Variants in PLCB4 observed in about 807,000 individuals in gnomAD.
PLCB4 encodes the protein phospholipase C beta 4.
In PLCB4, 77 loss-of-function variants were observed where a neutral mutation model predicts 178.8. The observed-to-expected ratio is 0.43, with a 90% CI of 0.36 to 0.52. The LOEUF (loss-of-function observed/expected upper bound fraction) is 0.52. Among genes scored for constraint, PLCB4 ranks in the 20% least tolerant of loss-of-function variants. PLCB4 has a pLI of 0.00. For missense variants in PLCB4, 1,024 were observed against 1,453.4 expected, an observed-to-expected ratio of 0.70 and a Z score of 4.80; for synonymous variants, 496 against 490.8, an observed-to-expected ratio of 1.01 and a Z score of -0.14.
intron 20 of PLCB4, among the ~76,000 whole-genome samples, chr20:9,402,989 T>C (rs999441175): frequency 6.6e-6 from 1 of 152,224 alleles, no homozygotes; most frequent in Non-Finnish European, 1.5e-5. Context: ...ACTTAACCTC[T>C]GTGTACCTTA....
intron 32 of PLCB4, among the ~76,000 whole-genome samples, chr20:9,448,929 G>A (rs1201309326): frequency 3.9e-5 from 6 of 152,098 alleles, no homozygotes. Flanking sequence ...GCAATTTGCT[G>A]TTAGGATATT....
intron 2 of PLCB4, among the ~76,000 whole-genome samples, chr20:9,209,332 AT>A (rs1386277044): frequency 6.6e-6 from 1 of 151,968 alleles, no homozygotes; most frequent in Non-Finnish European, 1.5e-5. Context: ...TAGATGACAA[AT>A]GCATGCTAAG....
intron 21 of PLCB4, among the ~76,000 whole-genome samples, chr20:9,407,324 T>A (rs1021461384): frequency 6.6e-6 from 1 of 152,148 alleles, no homozygotes; most frequent in African/African-American, 2.4e-5. Flanking sequence ...AAAAATATGA[T>A]GCTATATCTA....
At chr20:9,077,586 G>A (rs2089932456) in intron 1 of PLCB4, among the ~76,000 whole-genome samples, 1 of 152,192 alleles carries the variant, frequency 6.6e-6, no homozygotes, top group Non-Finnish European at 1.5e-5. Context: ...AAATTGATCA[G>A]TTAAGGGGCT....
chr20:9,166,897 A>T (rs1477844840), intron 2 of PLCB4, among the ~76,000 whole-genome samples: 1 of 152,132 alleles, frequency 6.6e-6, no homozygotes, highest in African/African-American at 2.4e-5. Context: ...CTTCCCATGA[A>T]AATTGTTATA....
chr20:9,285,679 C>A (rs1341638458), intron 3 of PLCB4, among the ~76,000 whole-genome samples: 3 of 151,922 alleles, frequency 2.0e-5, no homozygotes, highest in Non-Finnish European at 2.9e-5. Context: ...ACATGATCAA[C>A]AATTGCATGC....
At chr20:9,409,326 T>A in intron 24 of PLCB4, 145 bp downstream of exon 24, 2 of 514,262 alleles carry the variant, frequency 3.9e-6, no homozygotes, top group East Asian at 3.5e-5. Context: ...TATATAATGG[T>A]GAGAAATAAA....
intron 3 of PLCB4, among the ~76,000 whole-genome samples, chr20:9,286,817 T>C (rs1009235099): frequency 6.6e-6 from 1 of 151,964 alleles, no homozygotes; most frequent in Non-Finnish European, 1.5e-5. Flanking sequence ...GCGCCATCAG[T>C]ATCTTTGTAT....
In PLCB4 at chr20:9,424,546, T is replaced by C. The variant is rs80084184; in HGVS notation, c.2524+594T>C. Among the ~76,000 whole-genome samples the C allele has an allele frequency of 7.7e-3, 1,175 of 152,336 alleles. 18 individuals carry two copies. Among genetic ancestry groups the C allele is most frequent in the African/African-American group, 0.025 (1,041 of 41,568 alleles). ...TAAAAGAAAGCAAAGATCCTCTATA[T>C]TGTCAGCCTGTTGAACCATAAGGAA... On this transcript the variant is annotated intron_variant, in intron 28 of 39. Coordinates refer to ENST00000378473, the MANE Select transcript of PLCB4 (RefSeq NM_001377142.1).
Position 9,115,806 on chromosome 20 carries a change from G to T in PLCB4, c.-79+19464G>T, listed in dbSNP as rs1042934647. ...GAATACTTGCAGGCCACAGGTAGTT[G>T]TTTAGCATTAGCAAAGTTTATCTTA... On this transcript the variant is annotated intron_variant, in intron 2 of 39. Transcript: ENST00000378473. Among the ~76,000 whole-genome samples, 3 of 151,868 alleles carry T rather than the reference G, an allele frequency of 2.0e-5. No individual in the cohort carries two copies. The South Asian group carries it at 6.2e-4, about 32-fold the overall frequency.
rs779018136 is a variant in PLCB4, at chr20:9,459,695, G to T, written c.3133G>T (p.Ala1045Ser). The T allele has an allele frequency of 1.9e-5, 31 of 1,613,028 alleles. No homozygotes were observed. Among genetic ancestry groups the T allele is most frequent in the Non-Finnish European group, 8.5e-7 (1 of 1,179,248 alleles). ...GTCAGAAATGATCAATACCCACAGT[G>T]CTGAGGAGCAAGAAATCCGAGACCT... is the stretch of plus-strand genomic sequence containing the variant. ...EWSEMINTHS[A>S]EEQEIRDLHL... is the part of the protein sequence containing the mutation. Residue 1045 changes from alanine to serine, a missense_variant, in exon 35 of 40, where the codon GCT (alanine) becomes TCT (serine). Physicochemically the swap from Ala to Ser is moderately conservative, Grantham distance 99. Around this residue, in one of 7 missense-constraint regions of PLCB4, gnomAD observed 264 missense variants for 283.2 expected, o/e 0.93. Transcript: ENST00000378473.
intron 2 of PLCB4, among the ~76,000 whole-genome samples, chr20:9,183,861 A>G (rs2093287296): frequency 6.6e-6 from 1 of 152,188 alleles, no homozygotes; most frequent in South Asian, 2.1e-4. Context: ...TAGTTACTTC[A>G]TATAGCTCAT....
chr20:9,457,838 T>C (rs2043149830), intron 34 of PLCB4, among the ~76,000 whole-genome samples: 1 of 152,130 alleles, frequency 6.6e-6, no homozygotes, highest in Non-Finnish European at 1.5e-5. Context: ...ACATTAAACA[T>C]AGGACAGAAA....
chr20:9,247,775 C>G (rs970174072), intron 3 of PLCB4, among the ~76,000 whole-genome samples: 4 of 152,128 alleles, frequency 2.6e-5, no homozygotes, highest in Admixed American at 1.3e-4. Context: ...GGCAGGTGCT[C>G]CAGGCACCTG....
intron 3 of PLCB4, among the ~76,000 whole-genome samples, chr20:9,232,182 G>A (rs1024155421): frequency 2.0e-5 from 3 of 152,120 alleles, no homozygotes; most frequent in African/African-American, 7.2e-5. Flanking sequence ...GATGACAAAA[G>A]AGTCCAAAGA....
At chr20:9,112,582 C>T (rs2091620393) in intron 2 of PLCB4, among the ~76,000 whole-genome samples, 1 of 152,030 alleles carries the variant, frequency 6.6e-6, no homozygotes, top group African/African-American at 2.4e-5. Context: ...TTGATTGTCT[C>T]ACACTGATTG....
chr20:9,449,278 C>A (rs1252063510), intron 32 of PLCB4, among the ~76,000 whole-genome samples: 1 of 152,096 alleles, frequency 6.6e-6, no homozygotes, highest in Non-Finnish European at 1.5e-5. Context: ...GAGGTCAATT[C>A]CTTAGAGCCA....
intron 3 of PLCB4, among the ~76,000 whole-genome samples, chr20:9,244,428 A>C (rs1213497062): frequency 6.6e-6 from 1 of 152,200 alleles, no homozygotes; most frequent in Non-Finnish European, 1.5e-5. Flanking sequence ...TTTTTATCAA[A>C]ATTAAGGATC....
rs10629831 is a variant in PLCB4, at chr20:9,081,768, C to CAAAA, written c.-135+12574_-135+12577dup. ...TTAGGAAAACAATCTGATGATTAAG[C>CAAAA]AAAAAAAAAAAAAAAGCCAAAGTTT... On this transcript the variant is annotated intron_variant, in intron 1 of 39. Transcript: ENST00000378473. Among the ~76,000 whole-genome samples the CAAAA allele has an allele frequency of 2.9e-4, 26 of 90,470 alleles. 7 individuals are homozygous for CAAAA. Among genetic ancestry groups the CAAAA allele is most frequent in the East Asian group, 1.1e-3 (3 of 2,844 alleles). 59.4% of individuals were successfully genotyped at this position (90,470 alleles called of 152,430 possible). A position where few individuals can be genotyped will look rare whatever the true frequency, so the allele number is the denominator to read the frequency against.
Sources: gnomAD v4.1 joint callset for allele counts (sites outside exome capture counted in the v4.1 genomes callset) on GRCh38, gnomAD v4.1.1 for gene constraint, gnomAD v4.1.1 regional missense constraint, MANE v1.5 for transcripts, NCBI Gene and HGNC (gene_info 2026-07-23, HGNC 2026-07-21) for gene names.